CADM1: variants seen among roughly 807,000 people sequenced by gnomAD.
The protein encoded by CADM1 is TSLC-1.
CADM1 carries 15 observed loss-of-function variants against 53.1 expected under a neutral mutation model. The observed-to-expected ratio is 0.28, with a 90% CI of 0.19 to 0.44. CADM1 has a LOEUF of 0.44. CADM1 is among the 20% of genes least tolerant of loss of function. The pLI, the probability that CADM1 is intolerant of heterozygous loss-of-function variation, is 1.00. For synonymous variants in CADM1, 281 were observed against 243.0 expected (o/e 1.16, Z -1.45); for missense variants, 434 against 611.3 (o/e 0.71, Z 3.06).
At chr11:115,183,374 C>T (rs2134606469) in intron 10 of CADM1, among the ~76,000 whole-genome samples, 1 of 152,334 alleles carries the variant, frequency 6.6e-6, no homozygotes, top group South Asian at 2.1e-4. Context: ...AACCGCCATG[C>T]AAATGCCATA....
At chr11:115,206,428 G>A (rs955205758) in intron 8 of CADM1, among the ~76,000 whole-genome samples, 2 of 152,166 alleles carry the variant, frequency 1.3e-5, no homozygotes, top group Non-Finnish European at 2.9e-5. Context: ...GGTGGGCAAA[G>A]CAGAGTCCGA....
chr11:115,434,298 C>T (rs1468573747), intron 1 of CADM1, among the ~76,000 whole-genome samples: 1 of 152,188 alleles, frequency 6.6e-6, no homozygotes, highest in African/African-American at 2.4e-5. Flanking sequence ...AGGTATCATA[C>T]TCTTTGGTCC....
intron 1 of CADM1, among the ~76,000 whole-genome samples, chr11:115,260,428 T>C (rs1168236694): frequency 2.6e-5 from 4 of 152,258 alleles, no homozygotes; most frequent in Admixed American, 2.6e-4. Context: ...TCAATGGTTG[T>C]ATCATACTGT....
chr11:115,496,918 A>G (rs188842839), intron 1 of CADM1, among the ~76,000 whole-genome samples: 140 of 152,312 alleles, frequency 9.2e-4, no homozygotes, highest in South Asian at 2.1e-3. Context: ...TAAAGGTTCA[A>G]ATTTTTTAAA....
At chr11:115,403,507 A>C (rs1284138317) in intron 1 of CADM1, among the ~76,000 whole-genome samples, 1 of 152,222 alleles carries the variant, frequency 6.6e-6, no homozygotes, top group East Asian at 1.9e-4. Context: ...CATTTGGAGA[A>C]TCTAGATGAA....
chr11:115,228,569 A>G lies in CADM1; in HGVS notation c.721+544T>C, dbSNP rs537715297. 2.6e-5 allele frequency among the ~76,000 whole-genome samples: 4 copies of G among 152,334 alleles called. No individual in the cohort carries two copies. In the East Asian group the frequency reaches 7.7e-4, roughly 29 times the overall value. Reference sequence around the variant, plus strand: ...AGGAGAAGATGAGGAAAACATATTCAGTCTACAGGGCATGGTAAGGAGAAA... The same window carrying G: ...AGGAGAAGATGAGGAAAACATATTCGGTCTACAGGGCATGGTAAGGAGAAA... On this transcript the variant is annotated intron_variant, in intron 5 of 11. Coordinates refer to ENST00000331581, the MANE Select transcript of CADM1 (RefSeq NM_001301043.2).
chr11:115,257,034 T>C (rs1942812044), intron 1 of CADM1: 1 of 366,772 alleles, frequency 2.7e-6, no homozygotes, highest in South Asian at 2.1e-5. Context: ...GCCCTCACAA[T>C]TGTGCACAGC....
intron 1 of CADM1, among the ~76,000 whole-genome samples, chr11:115,478,024 G>C (rs1171556207): frequency 6.6e-6 from 1 of 152,196 alleles, no homozygotes; most frequent in Non-Finnish European, 1.5e-5. Flanking sequence ...AAGGTAATAA[G>C]TTAATGCATT....
intron 1 of CADM1, among the ~76,000 whole-genome samples, chr11:115,328,713 T>TATATAC (rs375794586): frequency 2.0e-5 from 1 of 49,622 alleles, no homozygotes; most frequent in Non-Finnish European, 3.6e-5. Context: ...TATATATATA[T>TATATAC]GTGTATATAT....
Position 115,175,972 on chromosome 11 carries a change from A to C in CADM1, c.*502T>G. ...TGCTGGTTCTCCTTTTATGAAACTG[A>C]ATTTGGAACAGAAAGCAGTTACCAT... On this transcript the variant is annotated 3_prime_UTR_variant, in exon 12 of 12. Coordinates refer to ENST00000331581, the MANE Select transcript of CADM1 (RefSeq NM_001301043.2). 9.7e-7 allele frequency: 1 copy of C among 1,033,262 alleles called. No individual in the cohort carries two copies. Among genetic ancestry groups the C allele is most frequent in the Non-Finnish European group, 1.2e-6 (1 of 859,652 alleles). The allele number at this position is 1,033,262 out of a possible 1,614,324, so 64.0% of individuals were successfully genotyped here.
chr11:115,348,882 C>A (rs1422927504), intron 1 of CADM1, among the ~76,000 whole-genome samples: 1 of 152,080 alleles, frequency 6.6e-6, no homozygotes, highest in Non-Finnish European at 1.5e-5. Context: ...GGGTCATGGG[C>A]CTCTGAAGTT....
chr11:115,295,261 C>A (rs2135119811), intron 1 of CADM1, among the ~76,000 whole-genome samples: 1 of 151,966 alleles, frequency 6.6e-6, no homozygotes, highest in Admixed American at 6.5e-5. Context: ...ACGGCAAAAT[C>A]CATCACATCA....
chr11:115,495,709 CAAACG>C (rs934499236), intron 1 of CADM1, among the ~76,000 whole-genome samples: 1 of 152,180 alleles, frequency 6.6e-6, no homozygotes, highest in African/African-American at 2.4e-5. Flanking sequence ...CTCCCAAAGT[CAAACG>C]TGTTGAAAAC....
At chr11:115,369,106 T>C (rs2135119213) in intron 1 of CADM1, among the ~76,000 whole-genome samples, 1 of 147,294 alleles carries the variant, frequency 6.8e-6, no homozygotes, top group Non-Finnish European at 1.5e-5. Context: ...GGAAGCCTCT[T>C]TCCCTTTATA....
At chr11:115,303,905 G>C (rs930395855) in intron 1 of CADM1, among the ~76,000 whole-genome samples, 3 of 151,964 alleles carry the variant, frequency 2.0e-5, no homozygotes, top group Non-Finnish European at 4.4e-5. Context: ...AGGCACAAAG[G>C]CCTCCTTCCT....
intron 1 of CADM1, among the ~76,000 whole-genome samples, chr11:115,478,555 C>T (rs2135405000): frequency 6.6e-6 from 1 of 151,932 alleles, no homozygotes; most frequent in South Asian, 2.1e-4. Flanking sequence ...CCTTTAAATA[C>T]AGCTTTGTAT....
In CADM1 at chr11:115,450,831, C is replaced by T. The variant is rs1948555588; in HGVS notation, c.124+53440G>A. Among the ~76,000 whole-genome samples the T allele has an allele frequency of 1.3e-5, 2 of 152,130 alleles. 1 individual carries two copies. The highest frequency in any genetic ancestry group is 1.3e-4 in the Admixed American group (2 of 15,268). On this transcript the variant is annotated intron_variant, in intron 1 of 11. Transcript: ENST00000331581. ...ATCTTTCAAATGCTCCTTACGTTAC[C>T]AATCACAACAGAAATTCTATAAAAG...
chr11:115,467,259 C>A (rs1948916527), intron 1 of CADM1, among the ~76,000 whole-genome samples: 1 of 152,218 alleles, frequency 6.6e-6, no homozygotes, highest in African/African-American at 2.4e-5. Flanking sequence ...CTGATGACTA[C>A]TTCTACCTTC....
chr11:115,446,895 C>A (rs1477528854), intron 1 of CADM1, among the ~76,000 whole-genome samples: 2 of 152,114 alleles, frequency 1.3e-5, no homozygotes, highest in African/African-American at 4.8e-5. Flanking sequence ...CTCCAGGGAA[C>A]CCAATTTGAG....
Sources: gnomAD v4.1 joint callset for allele counts (sites outside exome capture counted in the v4.1 genomes callset) on GRCh38, gnomAD v4.1.1 for gene constraint, MANE v1.5 for transcripts, NCBI Gene and HGNC (gene_info 2026-07-23, HGNC 2026-07-21) for gene names.